EHMT1: variants seen among roughly 807,000 people sequenced by gnomAD.
The protein encoded by EHMT1 is histone-lysine N-methyltransferase EHMT1.
In EHMT1, 15 loss-of-function variants were observed where a neutral mutation model predicts 147.2. The ratio of observed to expected loss-of-function variants is 0.10; its 90% CI spans 0.07 to 0.16. The LOEUF is 0.16. EHMT1 is among the 10% of genes least tolerant of loss of function. The pLI is 1.00. For missense variants in EHMT1, 1,587 were observed against 1,772.4 expected, an observed-to-expected ratio of 0.90 and a Z score of 1.88; for synonymous variants, 795 against 709.6, an observed-to-expected ratio of 1.12 and a Z score of -1.91.
chr9:137,756,063 A>G (rs974926113), intron 8 of EHMT1, among the ~76,000 whole-genome samples: 17 of 152,198 alleles, frequency 1.1e-4, no homozygotes, highest in Non-Finnish European at 1.9e-4. Context: ...TTGAAGTCCA[A>G]GTTACGAGTT....
At chr9:137,768,008 C>T (rs1012410850) in intron 10 of EHMT1, among the ~76,000 whole-genome samples, 2 of 152,114 alleles carry the variant, frequency 1.3e-5, no homozygotes, top group African/African-American at 4.8e-5. Flanking sequence ...TGTTGTATTA[C>T]AGCTGCCTAC....
intron 15 of EHMT1, among the ~76,000 whole-genome samples, chr9:137,790,405 T>C (rs1198857330): frequency 6.6e-6 from 1 of 152,226 alleles, no homozygotes; most frequent in Admixed American, 6.5e-5. Context: ...TGCATGCTAC[T>C]GGAAATCAGG....
chr9:137,672,908 T>C (rs1362744678), intron 1 of EHMT1, among the ~76,000 whole-genome samples: 1 of 152,218 alleles, frequency 6.6e-6, no homozygotes, highest in African/African-American at 2.4e-5. Context: ...CCAGGAACTT[T>C]ACCGATTGCA....
At chr9:137,792,349 G>A (rs556584052) in intron 16 of EHMT1, 3 of 262,904 alleles carry the variant, frequency 1.1e-5, no homozygotes, top group East Asian at 1.8e-4. Flanking sequence ...TGCTGAGACA[G>A]CTGGATATCC....
chr9:137,630,572 A>G (rs957409689), intron 1 of EHMT1, among the ~76,000 whole-genome samples: 11 of 152,226 alleles, frequency 7.2e-5, no homozygotes, highest in Admixed American at 2.6e-4. Flanking sequence ...TCAGGATGCC[A>G]TATATTTGTC....
intron 1 of EHMT1, among the ~76,000 whole-genome samples, chr9:137,684,357 T>G (rs946612086): frequency 2.0e-5 from 3 of 152,186 alleles, no homozygotes; most frequent in African/African-American, 7.2e-5. Flanking sequence ...TGAAATAATT[T>G]CAACTGAATA....
chr9:137,828,181 G>C lies in EHMT1; in HGVS notation c.3541-6168G>C, dbSNP rs1211625742. 6.6e-6 allele frequency among the ~76,000 whole-genome samples: 1 copy of C among 152,162 alleles called. No individual in the cohort carries two copies. The highest frequency in any genetic ancestry group is 2.4e-5 in the African/African-American group (1 of 41,444). On this transcript the variant is annotated intron_variant, in intron 25 of 26. Transcript: ENST00000460843. This position sits in a 1 kb window ranked among gnomAD's most constrained non-coding sequence, Gnocchi z 5.3. ...TGCTGTGACCATCCACAGGCCCCAG[G>C]GGGGTGCTGGCGGGCATCAGGGAAG...
At chr9:137,678,709 TC>T (rs35207834) in intron 1 of EHMT1, among the ~76,000 whole-genome samples, 28,866 of 129,316 alleles carry the variant, frequency 0.22, 3,212 homozygotes, top group Admixed American at 0.32. Flanking sequence ...TATATGAATG[TC>T]CCCCCCCCCG....
intron 22 of EHMT1, chr9:137,815,510 T>G: frequency 3.8e-5 from 10 of 265,340 alleles, no homozygotes; most frequent in Non-Finnish European, 6.7e-5. Flanking sequence ...TTCAGGGGGG[T>G]AGAAAGGGGA....
intron 1 of EHMT1, among the ~76,000 whole-genome samples, chr9:137,647,177 C>T (rs539645758): frequency 6.6e-6 from 1 of 152,290 alleles, no homozygotes; most frequent in African/African-American, 2.4e-5. Context: ...TATTGACGTG[C>T]CCGAAGTCCC....
chr9:137,649,726 C>T (rs573536332), intron 1 of EHMT1, among the ~76,000 whole-genome samples: 35 of 152,258 alleles, frequency 2.3e-4, no homozygotes, highest in African/African-American at 7.7e-4. Context: ...AGAAGATGGC[C>T]TACACCACCG....
In EHMT1 at chr9:137,787,933, G is replaced by GC; in HGVS notation, c.2383-2910dup. On this transcript the variant is annotated intron_variant, in intron 15 of 26. Coordinates refer to ENST00000460843, the MANE Select transcript of EHMT1 (RefSeq NM_024757.5). The surrounding 1 kb of genome is among the most constrained non-coding windows in gnomAD (Gnocchi z 4.2). The stretch of plus-strand genomic sequence containing the variant: ...ATTGGCAAGTAGGAGGTGGGCAGCT[G>GC]CCCCCAGAGGGAGGCCCTGTGTCCC... 1 of 1,501,930 alleles carries GC rather than the reference G, an allele frequency of 6.7e-7. No individual in the cohort carries two copies. The highest frequency in any genetic ancestry group is 9.2e-7 in the Non-Finnish European group (1 of 1,083,474). 93.0% of individuals were successfully genotyped at this position (1,501,930 alleles called of 1,614,324 possible). A position where few individuals can be genotyped will look rare whatever the true frequency, so the allele number is the denominator to read the frequency against.
intron 9 of EHMT1, among the ~76,000 whole-genome samples, chr9:137,761,803 G>C (rs770835130): frequency 1.1e-4 from 16 of 152,208 alleles, no homozygotes; most frequent in Non-Finnish European, 4.4e-5. Flanking sequence ...GAGTATTTGA[G>C]ACAATGATTC....
At chr9:137,766,864 AC>A (rs1270879432) in intron 10 of EHMT1, among the ~76,000 whole-genome samples, 1 of 151,788 alleles carries the variant, frequency 6.6e-6, no homozygotes, top group African/African-American at 2.4e-5. Flanking sequence ...TCTCACTTGG[AC>A]CCCCAGGCTG....
intron 1 of EHMT1, chr9:137,637,448 T>TA (rs1332314406): frequency 2.0e-5 from 3 of 152,276 alleles, no homozygotes; most frequent in Non-Finnish European, 4.4e-5. Context: ...ATGCTGGGAT[T>TA]ACAGGTGTGA....
At chr9:137,647,098 C>G (rs1036895106) in intron 1 of EHMT1, among the ~76,000 whole-genome samples, 3 of 152,224 alleles carry the variant, frequency 2.0e-5, no homozygotes, top group African/African-American at 7.2e-5. Context: ...CTGCACTCTT[C>G]TGGTTTCCTG....
At chr9:137,671,416 G>C (rs2501558) in intron 1 of EHMT1, among the ~76,000 whole-genome samples, 3,003 of 149,026 alleles carry the variant, frequency 0.02, 90 homozygotes, top group African/African-American at 0.069. Context: ...TATCACTTAA[G>C]AAAACATATA....
intron 1 of EHMT1, among the ~76,000 whole-genome samples, chr9:137,670,675 G>A (rs549440128): frequency 6.6e-6 from 1 of 152,146 alleles, no homozygotes; most frequent in African/African-American, 2.4e-5. Context: ...ATCAGCCCAG[G>A]GAACCAGTTA....
chr9:137,739,073 TAA>T (rs775002104), intron 4 of EHMT1, among the ~76,000 whole-genome samples: 1 of 139,566 alleles, frequency 7.2e-6, no homozygotes, highest in Non-Finnish European at 1.6e-5. Context: ...ATTTTACTAG[TAA>T]AAAAAAAAAA....
Sources: gnomAD v4.1 joint callset for allele counts (sites outside exome capture counted in the v4.1 genomes callset) on GRCh38, gnomAD v4.1.1 for gene constraint, Gnocchi (gnomAD v3.1) non-coding constraint, MANE v1.5 for transcripts, NCBI Gene and HGNC (gene_info 2026-07-23, HGNC 2026-07-21) for gene names.